ABTB3: variants seen among roughly 807,000 people sequenced by gnomAD.
The protein encoded by ABTB3 is ankyrin repeat and BTB domain containing 3.
chr12:107,473,409 A>G, the ABTB3 span, among the ~76,000 whole-genome samples: 1 of 151,946 alleles, frequency 6.6e-6, no homozygotes, highest in Non-Finnish European at 1.5e-5. Context: ...GCTGGAGTGC[A>G]GTGGCATGAT....
the ABTB3 span, among the ~76,000 whole-genome samples, chr12:107,438,061 T>C: frequency 5.9e-5 from 9 of 152,068 alleles, no homozygotes; most frequent in African/African-American, 2.2e-4. Context: ...TATTCTCTAA[T>C]GGGGAGACCA....
chr12:107,428,463 C>T, the ABTB3 span, among the ~76,000 whole-genome samples: 1 of 152,170 alleles, frequency 6.6e-6, no homozygotes, highest in Non-Finnish European at 1.5e-5. Flanking sequence ...AGGAGCACCC[C>T]TCCACCAATG....
At chr12:107,327,983 T>C in the ABTB3 span, among the ~76,000 whole-genome samples, 2 of 152,180 alleles carry the variant, frequency 1.3e-5, no homozygotes, top group Non-Finnish European at 2.9e-5. Flanking sequence ...AGGATTATAA[T>C]ACAGTCCTGG....
chr12:107,611,724 C>T, the ABTB3 span, among the ~76,000 whole-genome samples: 1 of 152,190 alleles, frequency 6.6e-6, no homozygotes, highest in African/African-American at 2.4e-5. Flanking sequence ...AAATTACTTT[C>T]CCAGAACTTT....
At chr12:107,328,487 G>C in the ABTB3 span, among the ~76,000 whole-genome samples, 1 of 152,128 alleles carries the variant, frequency 6.6e-6, no homozygotes. Context: ...TGAATGAGTG[G>C]GTGCTCCAGG....
At chr12:107,645,483 C>T in the ABTB3 span, among the ~76,000 whole-genome samples, 25 of 151,652 alleles carry the variant, frequency 1.6e-4, no homozygotes, top group African/African-American at 6.1e-4. Flanking sequence ...GGTTCAAACC[C>T]AGGCCTGGCT....
the ABTB3 span, among the ~76,000 whole-genome samples, chr12:107,530,662 G>T: frequency 3.3e-5 from 5 of 152,212 alleles, no homozygotes; most frequent in East Asian, 7.7e-4. Flanking sequence ...TGGTATTGCA[G>T]TTCTATGTAA....
chr12:107,558,633 G>C, the ABTB3 span, among the ~76,000 whole-genome samples: 2 of 152,118 alleles, frequency 1.3e-5, no homozygotes, highest in Non-Finnish European at 2.9e-5. Flanking sequence ...CCTCTCCCGT[G>C]AAAGATTTGC....
chr12:107,573,290 A>G, the ABTB3 span, among the ~76,000 whole-genome samples: 1 of 152,188 alleles, frequency 6.6e-6, no homozygotes, highest in Non-Finnish European at 1.5e-5. Flanking sequence ...AGAGAAGGCT[A>G]TGTCCCTGCA....
chr12:107,385,856 C>T, the ABTB3 span, among the ~76,000 whole-genome samples: 22 of 152,320 alleles, frequency 1.4e-4, no homozygotes, highest in African/African-American at 5.3e-4. Flanking sequence ...TGCCCCCACC[C>T]TCCTGCCATC....
the ABTB3 span, among the ~76,000 whole-genome samples, chr12:107,611,601 C>A: frequency 6.6e-6 from 1 of 152,190 alleles, no homozygotes; most frequent in Non-Finnish European, 1.5e-5. Flanking sequence ...TAATGCTAAG[C>A]TAAACGTATT....
chr12:107,550,684 G>A, the ABTB3 span, among the ~76,000 whole-genome samples: 7 of 150,658 alleles, frequency 4.6e-5, no homozygotes, highest in East Asian at 5.9e-4. Context: ...AGGTTCAAGC[G>A]ATTCTCCCGC....
the ABTB3 span, among the ~76,000 whole-genome samples, chr12:107,329,347 C>T: frequency 6.6e-6 from 1 of 152,112 alleles, no homozygotes; most frequent in African/African-American, 2.4e-5. Flanking sequence ...TCAATTTTCT[C>T]GTCTGCTTAA....
At chr12:107,351,032 A>G in the ABTB3 span, among the ~76,000 whole-genome samples, 1 of 152,150 alleles carries the variant, frequency 6.6e-6, no homozygotes, top group African/African-American at 2.4e-5. Flanking sequence ...TAAGATTGGA[A>G]ACCGGAAAAA....
At chr12:107,430,443 C>G in the ABTB3 span, among the ~76,000 whole-genome samples, 2 of 152,202 alleles carry the variant, frequency 1.3e-5, no homozygotes, top group African/African-American at 4.8e-5. Flanking sequence ...AAATTCTGTA[C>G]AATTTATACT....
chr12:107,361,692 T>C, the ABTB3 span, among the ~76,000 whole-genome samples: 2 of 152,152 alleles, frequency 1.3e-5, no homozygotes, highest in Admixed American at 1.3e-4. Context: ...ATATAGCTGA[T>C]GTAGACTGGG....
the ABTB3 span, among the ~76,000 whole-genome samples, chr12:107,326,300 T>A: frequency 6.6e-6 from 1 of 151,374 alleles, no homozygotes; most frequent in Non-Finnish European, 1.5e-5. Flanking sequence ...GGGAGAGGAG[T>A]GGGGTTGGAG....
At chr12:107,622,140 GTT>G in the ABTB3 span, among the ~76,000 whole-genome samples, 2 of 152,160 alleles carry the variant, frequency 1.3e-5, no homozygotes, top group Non-Finnish European at 2.9e-5. Flanking sequence ...AGTGAAGTGT[GTT>G]TTGCTTTTAC....
chr12:107,483,376 G>A, the ABTB3 span, among the ~76,000 whole-genome samples: 7 of 152,270 alleles, frequency 4.6e-5, no homozygotes, highest in African/African-American at 1.7e-4. Flanking sequence ...TAGTTTTCCT[G>A]TAGGGAATAT....
Sources: allele counts gnomAD v4.1 joint callset (sites outside exome capture counted in the v4.1 genomes callset), GRCh38; gene constraint gnomAD v4.1.1; transcripts MANE v1.5; gene names NCBI Gene and HGNC (gene_info 2026-07-23, HGNC 2026-07-21).